The following AJAP1 variants were observed in gnomAD, a reference collection of about 807,000 sequenced individuals.
The protein encoded by AJAP1 is adherens junction-associated protein 1.
AJAP1 carries 5 observed loss-of-function variants against 35.0 expected under a neutral mutation model. The observed-to-expected ratio is 0.14, with a 90% CI of 0.07 to 0.30. The LOEUF (loss-of-function observed/expected upper bound fraction) is 0.30, where lower values mean the gene tolerates loss of function less well. Among genes scored for constraint, AJAP1 ranks in the 10% least tolerant of loss-of-function variants. The pLI is 1.00. For missense variants in AJAP1, 586 were observed against 571.0 expected, an observed-to-expected ratio of 1.03 and a Z score of -0.27; for synonymous variants, 284 against 249.3, an observed-to-expected ratio of 1.14 and a Z score of -1.31.
At chr1:4,676,622 G>C (rs898789001) in intron 1 of AJAP1, among the ~76,000 whole-genome samples, 3 of 152,150 alleles carry the variant, frequency 2.0e-5, no homozygotes, top group African/African-American at 7.2e-5. Flanking sequence ...GGAGATGATG[G>C]GGGGACGGGA....
chr1:4,714,014 G>A (rs556555746), intron 2 of AJAP1, among the ~76,000 whole-genome samples: 17 of 152,328 alleles, frequency 1.1e-4, no homozygotes, highest in Non-Finnish European at 2.2e-4. Context: ...GGCAGGCACC[G>A]GGCAGTCCTT....
At chr1:4,701,679 A>G (rs981629269) in intron 1 of AJAP1, among the ~76,000 whole-genome samples, 1 of 152,196 alleles carries the variant, frequency 6.6e-6, no homozygotes, top group Admixed American at 6.5e-5. Flanking sequence ...GTCTCCAGAT[A>G]TTGCCAAATG....
intron 1 of AJAP1, among the ~76,000 whole-genome samples, chr1:4,681,541 C>G (rs550981395): frequency 2.0e-5 from 3 of 152,238 alleles, no homozygotes; most frequent in Admixed American, 6.5e-5. Context: ...AGGTTCTGGC[C>G]ATATTCCGGG....
rs111460521 is a variant in AJAP1 at position 4,784,936 on chromosome 1, G to A, written c.*2451G>A. 8,084 of 152,762 alleles carry A rather than the reference G, an allele frequency of 0.053. 298 individuals carry two copies. The highest frequency in any genetic ancestry group is 0.19 in the Middle Eastern group (57 of 296). The allele number at this position is 152,762 out of a possible 1,614,324, so 9.5% of individuals were successfully genotyped here. ...GAGCACAGCGTGGTGCGAGTGCATG[G>A]TGAGGGCTGGCGGCGGCCAACAGGC... On this transcript the variant is annotated 3_prime_UTR_variant, in exon 6 of 6. Transcript: ENST00000378191.
At chr1:4,657,741 T>C (rs571678584) in intron 1 of AJAP1, among the ~76,000 whole-genome samples, 269 of 151,422 alleles carry the variant, frequency 1.8e-3, no homozygotes, top group Non-Finnish European at 3.1e-3. Flanking sequence ...GGGTGGGCTT[T>C]CTTAGTTCCG....
intron 2 of AJAP1, among the ~76,000 whole-genome samples, chr1:4,732,753 C>A (rs1370936578): frequency 2.0e-5 from 3 of 152,208 alleles, no homozygotes. Flanking sequence ...TCAGTGGGCT[C>A]CTTAATACAA....
In AJAP1 at chr1:4,734,001, A is replaced by G. The variant is rs1202325833; in HGVS notation, c.829+21302A>G. ...CACGCGAGGTGTGTGCGTCGCGAGC[A>G]GGGCCCTTGCCGGAGCTCCAATTAG... On this transcript the variant is annotated intron_variant, in intron 2 of 5. Coordinates refer to ENST00000378191, the MANE Select transcript of AJAP1 (RefSeq NM_018836.4). This position sits in a 1 kb window ranked among gnomAD's most constrained non-coding sequence, Gnocchi z 4.3. Among the ~76,000 whole-genome samples the G allele has an allele frequency of 6.6e-6, 1 of 152,218 alleles. No homozygotes were observed. The highest frequency in any genetic ancestry group is 1.5e-5 in the Non-Finnish European group (1 of 68,034).
chr1:4,721,036 C>G (rs3753699), intron 2 of AJAP1, among the ~76,000 whole-genome samples: 20,916 of 152,230 alleles, frequency 0.14, 1,753 homozygotes, highest in Non-Finnish European at 0.17. Flanking sequence ...GGGCACGACT[C>G]TCCCCTTTAC....
chr1:4,770,043 C>A, intron 3 of AJAP1, 103 bp downstream of exon 3: 1 of 1,048,876 alleles, frequency 9.5e-7, no homozygotes, highest in Non-Finnish European at 1.5e-6. Flanking sequence ...GCCTGTTCTG[C>A]TGGCTTCTGC....
intron 1 of AJAP1, among the ~76,000 whole-genome samples, chr1:4,689,091 G>A (rs547419202): frequency 6.6e-5 from 10 of 152,196 alleles, no homozygotes; most frequent in South Asian, 6.2e-4. Context: ...TTTGGGGACC[G>A]TAGCCTGCGG....
chr1:4,706,143 G>A (rs192182878), intron 1 of AJAP1, among the ~76,000 whole-genome samples: 35 of 152,296 alleles, frequency 2.3e-4, no homozygotes, highest in Non-Finnish European at 4.3e-4. Context: ...CTGGGTCCTC[G>A]GGGAAGGGAG....
At chr1:4,662,630 C>T (rs779219469) in intron 1 of AJAP1, among the ~76,000 whole-genome samples, 5 of 152,152 alleles carry the variant, frequency 3.3e-5, no homozygotes, top group Non-Finnish European at 5.9e-5. Flanking sequence ...TCGGTGGGGC[C>T]GCAAGAAGCC....
chr1:4,744,625 GCACACA>G (rs34180991), intron 2 of AJAP1, among the ~76,000 whole-genome samples: 35,930 of 149,686 alleles, frequency 0.24, 4,668 homozygotes, highest in Middle Eastern at 0.34. Context: ...ACATGCATAT[GCACACA>G]CACACACACA....
chr1:4,662,861 T>C (rs1158101142), intron 1 of AJAP1, among the ~76,000 whole-genome samples: 1 of 152,270 alleles, frequency 6.6e-6, no homozygotes, highest in Admixed American at 6.5e-5. Flanking sequence ...ATTTCCATTC[T>C]GCCTTGGTAT....
At position 4,692,856 on chromosome 1, in the gene AJAP1, T is replaced by G. The variant is rs1021126174; in HGVS notation, c.30-19044T>G. 6.6e-6 allele frequency among the ~76,000 whole-genome samples: 1 copy of G among 152,058 alleles called. No individual in the cohort carries two copies. Among genetic ancestry groups the G allele is most frequent in the African/African-American group, 2.4e-5 (1 of 41,374 alleles). On this transcript the variant is annotated intron_variant, in intron 1 of 5. Coordinates refer to ENST00000378191, the MANE Select transcript of AJAP1 (RefSeq NM_018836.4). This position sits in a 1 kb window ranked among gnomAD's most constrained non-coding sequence, Gnocchi z 4.4. ...CCCACGAACAGGCATTAAGTGCACA[T>G]TTTTCCAAGCTCAGCCCTGTGCTCT...
Position 4,712,239 on chromosome 1 carries a change from T to C in AJAP1, c.369T>C (p.Ala123=). The change falls in exon 2 of 6, where the codon GCT becomes GCC. Residue 123 remains alanine (A), a synonymous_variant. Transcript: ENST00000378191. ...PKAGLAKPPA[A]AKSSPSLASS... ...CAGGACTGGCCAAGCCCCCAGCTGC[T>C]GCCAAATCCAGCCCTTCCCTCGCCT... 6.5e-7 allele frequency: 1 copy of C among 1,533,504 alleles called. No homozygotes were observed. The highest frequency in any genetic ancestry group is 8.7e-7 in the Non-Finnish European group (1 of 1,147,850). 95.0% of individuals were successfully genotyped at this position (1,533,504 alleles called of 1,614,324 possible). A position where few individuals can be genotyped will look rare whatever the true frequency, so the allele number is the denominator to read the frequency against.
At chr1:4,749,979 T>G (rs1641285568) in intron 2 of AJAP1, among the ~76,000 whole-genome samples, 1 of 152,082 alleles carries the variant, frequency 6.6e-6, no homozygotes, top group Non-Finnish European at 1.5e-5. Context: ...TGTGTGTGAG[T>G]GGGCATAGGT....
At chr1:4,754,354 G>T (rs1045377751) in intron 2 of AJAP1, among the ~76,000 whole-genome samples, 4 of 152,142 alleles carry the variant, frequency 2.6e-5, no homozygotes, top group African/African-American at 9.7e-5. Context: ...TTGACTCTCT[G>T]GCCCTTTGCA....
At chr1:4,657,034 T>C (rs1032956451) in intron 1 of AJAP1, among the ~76,000 whole-genome samples, 13 of 152,358 alleles carry the variant, frequency 8.5e-5, no homozygotes, top group Middle Eastern at 3.4e-3. Context: ...GGCCAGTGGC[T>C]GGTCTTCAGC....
Sources: gnomAD v4.1 joint callset for allele counts (sites outside exome capture counted in the v4.1 genomes callset) on GRCh38, gnomAD v4.1.1 for gene constraint, Gnocchi (gnomAD v3.1) non-coding constraint, MANE v1.5 for transcripts, NCBI Gene and HGNC (gene_info 2026-07-23, HGNC 2026-07-21) for gene names.